Variants in OTUD7A observed in about 807,000 individuals in gnomAD.
The protein encoded by OTUD7A is OTU deubiquitinase 7A.
Under a neutral mutation model 65.7 loss-of-function variants are expected in OTUD7A, and 12 were observed. The ratio of observed to expected loss-of-function variants is 0.18; its 90% CI spans 0.12 to 0.30. OTUD7A has a LOEUF of 0.30. OTUD7A is among the 10% of genes least tolerant of loss of function. OTUD7A has a pLI of 1.00. For synonymous variants in OTUD7A, 641 were observed against 586.3 expected, an observed-to-expected ratio of 1.09 and a Z score of -1.35; for missense variants, 1,148 against 1,304.8, an observed-to-expected ratio of 0.88 and a Z score of 1.85.
intron 3 of OTUD7A, among the ~76,000 whole-genome samples, chr15:31,608,914 G>A (rs1461037492): frequency 6.6e-6 from 1 of 152,172 alleles, no homozygotes; most frequent in Non-Finnish European, 1.5e-5. Context: ...CCCAAATACT[G>A]GGAGTGCCCA....
chr15:31,791,604 C>A (rs890676966), intron 1 of OTUD7A, among the ~76,000 whole-genome samples: 1 of 152,172 alleles, frequency 6.6e-6, no homozygotes, highest in Non-Finnish European at 1.5e-5. Flanking sequence ...CCCGGACCAA[C>A]CCCAGCATCT....
intron 4 of OTUD7A, among the ~76,000 whole-genome samples, chr15:31,563,066 T>G (rs943262881): frequency 1.3e-5 from 2 of 152,202 alleles, no homozygotes; most frequent in African/African-American, 4.8e-5. Context: ...TCCTATTTTT[T>G]TTTTCTTAAA....
At chr15:31,528,583 A>T (rs915547275) in intron 6 of OTUD7A, among the ~76,000 whole-genome samples, 3 of 152,176 alleles carry the variant, frequency 2.0e-5, no homozygotes, top group Non-Finnish European at 1.5e-5. Context: ...ATGGCAGGGG[A>T]GGGGGAATGA....
chr15:31,730,263 C>T (rs886133421), intron 1 of OTUD7A, among the ~76,000 whole-genome samples: 1 of 152,164 alleles, frequency 6.6e-6, no homozygotes, highest in Non-Finnish European at 1.5e-5. Context: ...TTGTTTAAGC[C>T]ACCCAGGCTA....
At chr15:31,651,495 C>T (rs1418196113) in intron 3 of OTUD7A, among the ~76,000 whole-genome samples, 1 of 151,330 alleles carries the variant, frequency 6.6e-6, no homozygotes, top group Non-Finnish European at 1.5e-5. Flanking sequence ...ACCAGAAAGG[C>T]CTAGAGACTG....
intron 5 of OTUD7A, among the ~76,000 whole-genome samples, chr15:31,549,655 G>C (rs955695957): frequency 2.0e-5 from 3 of 152,132 alleles, no homozygotes; most frequent in African/African-American, 7.2e-5. Flanking sequence ...ACAGAGAAAG[G>C]GCAGATGGTA....
intron 1 of OTUD7A, among the ~76,000 whole-genome samples, chr15:31,764,218 G>T (rs1446609453): frequency 1.3e-5 from 2 of 152,068 alleles, no homozygotes; most frequent in Admixed American, 1.3e-4. Context: ...AGCAATAGAA[G>T]TTTTAGTATA....
intron 1 of OTUD7A, among the ~76,000 whole-genome samples, chr15:31,827,093 ATTTTCACG>A (rs1215834216): frequency 2.0e-5 from 3 of 152,142 alleles, no homozygotes; most frequent in Non-Finnish European, 4.4e-5. Flanking sequence ...TTGCTTTCAC[ATTTTCACG>A]TATCTTTTCA....
At chr15:31,532,066 C>T (rs1887642005) in intron 5 of OTUD7A, among the ~76,000 whole-genome samples, 2 of 152,282 alleles carry the variant, frequency 1.3e-5, no homozygotes, top group South Asian at 4.1e-4. Flanking sequence ...CGCTAAAACA[C>T]AAGATTTAAG....
Position 31,815,884 on chromosome 15 carries a change from G to C in OTUD7A, c.-100+54623C>G, listed in dbSNP as rs572559558. 5.2e-3 allele frequency among the ~76,000 whole-genome samples: 798 copies of C among 152,304 alleles called. 5 individuals are homozygous for C. Among genetic ancestry groups the C allele is most frequent in the African/African-American group, 0.017 (710 of 41,556 alleles). ...CATTTATTGGCAGCTCTCTCTCTTTGCCCATAGGACAGATGTTCTGGGAGA... is the reference window on the plus strand; with the variant it reads ...CATTTATTGGCAGCTCTCTCTCTTTCCCCATAGGACAGATGTTCTGGGAGA... On this transcript the variant is annotated intron_variant, in intron 1 of 12. Coordinates refer to ENST00000307050, the MANE Select transcript of OTUD7A (RefSeq NM_001382637.1).
At chr15:31,859,303 T>C (rs1897659455) in intron 1 of OTUD7A, among the ~76,000 whole-genome samples, 1 of 152,234 alleles carries the variant, frequency 6.6e-6, no homozygotes, top group South Asian at 2.1e-4. Context: ...AATCAATGTA[T>C]GCCTTACCTC....
chr15:31,560,486 G>A (rs538326988), intron 4 of OTUD7A, among the ~76,000 whole-genome samples: 18 of 152,338 alleles, frequency 1.2e-4, no homozygotes, highest in South Asian at 4.1e-4. Flanking sequence ...GCAAAAGCAC[G>A]CTTGTTTTTA....
At chr15:31,667,504 A>G (rs1321323847) in intron 1 of OTUD7A, among the ~76,000 whole-genome samples, 4 of 152,002 alleles carry the variant, frequency 2.6e-5, no homozygotes, top group African/African-American at 9.7e-5. Context: ...CCTTTACTTT[A>G]AGTTTACGTG....
chr15:31,750,138 T>C lies in OTUD7A; in HGVS notation c.-99-93061A>G, dbSNP rs1226407572. Among the ~76,000 whole-genome samples, 6 of 152,206 alleles carry C rather than the reference T, an allele frequency of 3.9e-5. No homozygotes were observed. In the South Asian group the frequency reaches 1.0e-3, roughly 26 times the overall value. On this transcript the variant is annotated intron_variant, in intron 1 of 12. Coordinates refer to ENST00000307050, the MANE Select transcript of OTUD7A (RefSeq NM_001382637.1). ...TGTTAAAATGTTCGACCGGGCATGG[T>C]GGCTCACGCCTGTAATCCCAGCACT...
intron 1 of OTUD7A, among the ~76,000 whole-genome samples, chr15:31,752,165 C>T (rs1894654477): frequency 6.6e-6 from 1 of 151,932 alleles, no homozygotes; most frequent in African/African-American, 2.4e-5. Context: ...TATGTTGAAT[C>T]AAACAAGAAA....
At chr15:31,582,889 G>A (rs777677605) in intron 3 of OTUD7A, among the ~76,000 whole-genome samples, 11 of 152,194 alleles carry the variant, frequency 7.2e-5, no homozygotes, top group Non-Finnish European at 1.6e-4. Flanking sequence ...AGGGAGAAGG[G>A]AGGGAAAAGG....
intron 1 of OTUD7A, among the ~76,000 whole-genome samples, chr15:31,757,646 A>C (rs1894852816): frequency 6.6e-6 from 1 of 152,176 alleles, no homozygotes; most frequent in African/African-American, 2.4e-5. Flanking sequence ...CCTGGCCCTA[A>C]GGAGACAAAA....
chr15:31,698,330 A>G (rs1372294166), intron 1 of OTUD7A, among the ~76,000 whole-genome samples: 2 of 152,168 alleles, frequency 1.3e-5, no homozygotes, highest in Non-Finnish European at 2.9e-5. Flanking sequence ...ACTTCTGCAA[A>G]GAGACCGGCA....
intron 1 of OTUD7A, among the ~76,000 whole-genome samples, chr15:31,709,801 C>T (rs1052667665): frequency 7.2e-5 from 11 of 151,914 alleles, no homozygotes; most frequent in Non-Finnish European, 1.5e-4. Context: ...TGTGTATATG[C>T]AAATATATGT....
Sources: gnomAD v4.1 joint callset for allele counts (sites outside exome capture counted in the v4.1 genomes callset) on GRCh38, gnomAD v4.1.1 for gene constraint, MANE v1.5 for transcripts, NCBI Gene and HGNC (gene_info 2026-07-23, HGNC 2026-07-21) for gene names.